Variants in NFIB observed in about 807,000 individuals in gnomAD.
NFIB encodes the protein nuclear factor I B.
NFIB carries 11 observed loss-of-function variants against 61.5 expected under a neutral mutation model. The observed-to-expected ratio is 0.18, with a 90% CI of 0.11 to 0.30. NFIB has a LOEUF of 0.30. Among genes scored for constraint, NFIB ranks in the 10% least tolerant of loss-of-function variants. The probability of loss-of-function intolerance (pLI) is 1.00; values close to 1 mark genes in which losing one functional copy is unlikely to be tolerated. For synonymous variants in NFIB, 260 were observed against 216.5 expected (o/e 1.20, Z -1.76); for missense variants, 471 against 608.9 (o/e 0.77, Z 2.38).
intron 1 of NFIB, among the ~76,000 whole-genome samples, chr9:14,378,747 G>A (rs1007785845): frequency 1.3e-5 from 2 of 152,186 alleles, no homozygotes; most frequent in African/African-American, 4.8e-5. Flanking sequence ...TCATGGTACA[G>A]CCACTTAAGA....
chr9:14,511,738 T>C, the NFIB span, among the ~76,000 whole-genome samples: 1 of 152,244 alleles, frequency 6.6e-6, no homozygotes, highest in African/African-American at 2.4e-5. Flanking sequence ...GAAATTTGTA[T>C]TCCACTACTT....
intron 2 of NFIB, among the ~76,000 whole-genome samples, chr9:14,197,108 T>C (rs556330634): frequency 5.2e-4 from 79 of 152,352 alleles, no homozygotes; most frequent in African/African-American, 1.7e-3. Context: ...TCATCTACAT[T>C]ACTTTGCAAT....
intron 2 of NFIB, among the ~76,000 whole-genome samples, chr9:14,297,122 C>T (rs908867156): frequency 1.3e-5 from 2 of 152,116 alleles, no homozygotes; most frequent in Admixed American, 6.5e-5. Context: ...AAAATTCTTT[C>T]GATGTAGGAA....
At chr9:14,218,031 C>T (rs1314290217) in intron 2 of NFIB, among the ~76,000 whole-genome samples, 3 of 152,116 alleles carry the variant, frequency 2.0e-5, no homozygotes, top group East Asian at 3.9e-4. Context: ...CAGTTTCTTC[C>T]GTGTTTGCTG....
chr9:14,493,642 G>T, the NFIB span, among the ~76,000 whole-genome samples: 9 of 152,286 alleles, frequency 5.9e-5, no homozygotes, highest in African/African-American at 2.2e-4. Flanking sequence ...ACTCAGTGTA[G>T]GTGTCCATAA....
upstream of NFIB, among the ~76,000 whole-genome samples, chr9:14,399,668 G>A (rs2061723137): frequency 6.6e-6 from 1 of 152,100 alleles, no homozygotes; most frequent in South Asian, 2.1e-4. Flanking sequence ...CAGAAGTCAT[G>A]TTCAAGTGAA....
Position 14,307,543 on chromosome 9 carries a change from GA to G in NFIB, c.31-24del. The G allele has an allele frequency of 6.4e-7, 1 of 1,553,796 alleles. No homozygotes were observed. The highest frequency in any genetic ancestry group is 8.7e-7 in the Non-Finnish European group (1 of 1,150,006). ...ATCCTGTGGAAGACAGAGGGGTGAG[GA>G]AAAGATGTGCATAGTCAGTTTAATT... On this transcript the variant is annotated intron_variant, in intron 1 of 10. Coordinates refer to ENST00000380953, the MANE Select transcript of NFIB (RefSeq NM_001190737.2). This position sits in a 1 kb window ranked among gnomAD's most constrained non-coding sequence, Gnocchi z 5.3.
the NFIB span, among the ~76,000 whole-genome samples, chr9:14,407,503 G>A: frequency 1.8e-4 from 27 of 152,188 alleles, no homozygotes; most frequent in South Asian, 1.0e-3. Flanking sequence ...TGTTCAAAAC[G>A]GAGCTTAACT....
chr9:14,337,172 A>T (rs572815551), intron 1 of NFIB, among the ~76,000 whole-genome samples: 1 of 152,332 alleles, frequency 6.6e-6, no homozygotes, highest in South Asian at 2.1e-4. Flanking sequence ...ACTCCTGCAC[A>T]TGTGCAGAAG....
intron 3 of NFIB, among the ~76,000 whole-genome samples, chr9:14,170,478 CA>C (rs1291595113): frequency 6.6e-6 from 1 of 152,082 alleles, no homozygotes; most frequent in African/African-American, 2.4e-5. Context: ...TCTGTCTCTA[CA>C]AAAAAATTAA....
intron 2 of NFIB, among the ~76,000 whole-genome samples, chr9:14,207,461 G>T (rs1416546614): frequency 6.6e-6 from 1 of 152,212 alleles, no homozygotes; most frequent in Non-Finnish European, 1.5e-5. Flanking sequence ...AAACTGGGAG[G>T]AGGATGAGAC....
At chr9:14,455,847 T>C in the NFIB span, among the ~76,000 whole-genome samples, 2 of 152,214 alleles carry the variant, frequency 1.3e-5, no homozygotes, top group Admixed American at 1.3e-4. Flanking sequence ...AAAAGAATTA[T>C]GAGATATTAA....
intron 2 of NFIB, among the ~76,000 whole-genome samples, chr9:14,192,455 C>T (rs113783009): frequency 6.5e-4 from 99 of 152,216 alleles, no homozygotes; most frequent in African/African-American, 2.2e-3. Flanking sequence ...TGCCCTGTAA[C>T]GGTAACTTGT....
chr9:14,125,607 C>A (rs956397192), intron 7 of NFIB, 25 bp downstream of exon 7: 98 of 1,612,884 alleles, frequency 6.1e-5, no homozygotes, highest in Admixed American at 8.4e-5. Flanking sequence ...AAGGAGGCTT[C>A]TCCTCTATGC....
chr9:14,427,042 C>T, the NFIB span, among the ~76,000 whole-genome samples: 1 of 152,098 alleles, frequency 6.6e-6, no homozygotes, highest in Non-Finnish European at 1.5e-5. Flanking sequence ...GTCTCAGTGC[C>T]AAAAAGAAGT....
chr9:14,387,394 T>C (rs1385992365), intron 1 of NFIB, among the ~76,000 whole-genome samples: 1 of 152,178 alleles, frequency 6.6e-6, no homozygotes, highest in Non-Finnish European at 1.5e-5. Flanking sequence ...TTAAAAGCTT[T>C]TGAGAAAAGT....
chr9:14,310,987 A>G (rs950199020), intron 1 of NFIB, among the ~76,000 whole-genome samples: 1 of 152,158 alleles, frequency 6.6e-6, no homozygotes, highest in Non-Finnish European at 1.5e-5. Flanking sequence ...CTTAAAAGCA[A>G]CGAAAGAAAA....
chr9:14,220,819 A>T (rs2051547219), intron 2 of NFIB, among the ~76,000 whole-genome samples: 1 of 147,898 alleles, frequency 6.8e-6, no homozygotes, highest in South Asian at 2.2e-4. Flanking sequence ...TTTCTGCTCT[A>T]TATCCAGTGA....
intron 8 of NFIB, among the ~76,000 whole-genome samples, chr9:14,117,912 A>C (rs1425041482): frequency 3.3e-5 from 5 of 152,158 alleles, no homozygotes; most frequent in African/African-American, 1.2e-4. Context: ...TATCTTAAAA[A>C]TCAAAATCAG....
Sources: gnomAD v4.1 joint callset for allele counts (sites outside exome capture counted in the v4.1 genomes callset) on GRCh38, gnomAD v4.1.1 for gene constraint, Gnocchi (gnomAD v3.1) non-coding constraint, MANE v1.5 for transcripts, NCBI Gene and HGNC (gene_info 2026-07-23, HGNC 2026-07-21) for gene names.